Variants in NOP9 observed in about 807,000 individuals in gnomAD.
The protein encoded by NOP9 is NOP9 nucleolar protein.
A neutral mutation model predicts 63.0 loss-of-function variants in NOP9; 50 were observed. The observed-to-expected ratio is 0.79, with a 90% CI of 0.63 to 1.00. The LOEUF is 1.00. NOP9 is among the 50% of genes least tolerant of loss of function. NOP9 has a pLI of 0.00. For missense variants in NOP9, 758 were observed against 803.0 expected, an observed-to-expected ratio of 0.94 and a Z score of 0.68; for synonymous variants, 343 against 332.8, an observed-to-expected ratio of 1.03 and a Z score of -0.33.
chr14:24,279,189 TCCA>T, the NOP9 span, among the ~76,000 whole-genome samples: 1 of 152,212 alleles, frequency 6.6e-6, no homozygotes, highest in East Asian at 1.9e-4. Context: ...CCAGAGTCTC[TCCA>T]CTCTGAAGTT....
Position 24,306,730 on chromosome 14 carries a change from C to T in NOP9, c.*1635C>T. ...TAGAGGCTGACCTTTTTCCTCTTTG[C>T]TCCTACCATGTCATTGGCATCTCCC... is the stretch of plus-strand genomic sequence containing the variant. On this transcript the variant is annotated 3_prime_UTR_variant, in exon 10 of 10. Transcript: ENST00000267425. 1.7e-6 allele frequency: 1 copy of T among 601,576 alleles called. No homozygotes were observed. Among genetic ancestry groups the T allele is most frequent in the Non-Finnish European group, 2.9e-6 (1 of 344,710 alleles). The allele number at this position is 601,576 out of a possible 1,614,324, so 37.3% of individuals were successfully genotyped here. A position where few individuals can be genotyped will look rare whatever the true frequency, so the allele number is the denominator to read the frequency against.
chr14:24,307,785 A>G lies in NOP9; in HGVS notation c.*2690A>G. 1 of 1,577,212 alleles carries G rather than the reference A, an allele frequency of 6.3e-7. No homozygotes were observed. The highest frequency in any genetic ancestry group is 8.6e-7 in the Non-Finnish European group (1 of 1,159,168). ...TTGTTGCCCTGCCTATATCCCCTAAAGGTGGAGGGTAGAGCGGAGGGTTAG... is the reference window on the plus strand; with the variant it reads ...TTGTTGCCCTGCCTATATCCCCTAAGGGTGGAGGGTAGAGCGGAGGGTTAG... On this transcript the variant is annotated 3_prime_UTR_variant, in exon 10 of 10. Transcript: ENST00000267425.
At position 24,309,002 on chromosome 14, in the gene NOP9, C is replaced by T. The variant is rs1466606022; in HGVS notation, c.*3907C>T. On this transcript the variant is annotated 3_prime_UTR_variant, in exon 10 of 10. Transcript: ENST00000267425. Reference sequence around the variant, plus strand: ...AAATACCTTGAACCCTCGTAAACTCCATACCCTGACCCCCTTGTTTTGGAT... The same window carrying T: ...AAATACCTTGAACCCTCGTAAACTCTATACCCTGACCCCCTTGTTTTGGAT... 1 of 152,264 alleles carries T rather than the reference C, an allele frequency of 6.6e-6. No homozygotes were observed. Among genetic ancestry groups the T allele is most frequent in the Non-Finnish European group, 1.5e-5 (1 of 68,076 alleles). The allele number at this position is 152,264 out of a possible 1,614,324, so 9.4% of individuals were successfully genotyped here. A position where few individuals can be genotyped will look rare whatever the true frequency, so the allele number is the denominator to read the frequency against.
At chr14:24,304,701 C>T (rs2041447092) in intron 9 of NOP9, 103 bp downstream of exon 9, 1 of 1,025,828 alleles carries the variant, frequency 9.7e-7, no homozygotes, top group Non-Finnish European at 1.4e-6. Context: ...GTCTTTAGTT[C>T]CAAAGGGTGG....
chr14:24,284,983 C>A, the NOP9 span, among the ~76,000 whole-genome samples: 1 of 152,212 alleles, frequency 6.6e-6, no homozygotes, highest in Non-Finnish European at 1.5e-5. Flanking sequence ...CTGATGGAAA[C>A]TCCTCCTCAG....
chr14:24,291,165 C>A, the NOP9 span: 1 of 1,614,026 alleles, frequency 6.2e-7, no homozygotes. Flanking sequence ...GCCATAGCGT[C>A]GAGCAAGGTC....
rs964729197 is a variant in NOP9 at position 24,308,479 on chromosome 14, C to T, written c.*3384C>T. On this transcript the variant is annotated 3_prime_UTR_variant, in exon 10 of 10. Transcript: ENST00000267425. ...CTGGGACACTGGCCTTCCTGCTTAC[C>T]TGCTCTTTCCTTCCTCCTTGGTCGG... 5.9e-5 allele frequency: 9 copies of T among 153,380 alleles called. No individual in the cohort carries two copies. Among genetic ancestry groups the T allele is most frequent in the African/African-American group, 2.2e-4 (9 of 41,408 alleles). 9.5% of individuals were successfully genotyped at this position (153,380 alleles called of 1,614,324 possible).
chr14:24,295,234 T>C (rs1273508081), upstream of NOP9, among the ~76,000 whole-genome samples: 1 of 152,176 alleles, frequency 6.6e-6, no homozygotes, highest in Non-Finnish European at 1.5e-5. Flanking sequence ...AGGCTATTAA[T>C]AGTAGCTATA....
At chr14:24,292,893 G>A in the NOP9 span, 3 of 1,416,758 alleles carry the variant, frequency 2.1e-6, no homozygotes, top group Non-Finnish European at 2.8e-6. Flanking sequence ...CCACTAGGAA[G>A]GCTACACAGG....
chr14:24,299,688 T>C (rs112369293), upstream of NOP9: 68 of 425,030 alleles, frequency 1.6e-4, no homozygotes, highest in Non-Finnish European at 2.3e-4. Context: ...CAAGGATTGA[T>C]TCTGTAGTAG....
the NOP9 span, among the ~76,000 whole-genome samples, chr14:24,281,141 A>G: frequency 5.9e-5 from 9 of 152,270 alleles, no homozygotes; most frequent in Non-Finnish European, 1.2e-4. Flanking sequence ...AGCCCTACAG[A>G]GGCATCCAAG....
the NOP9 span, chr14:24,271,252 G>C: frequency 8.5e-7 from 1 of 1,173,858 alleles, no homozygotes; most frequent in Non-Finnish European, 1.2e-6. Flanking sequence ...AGCGTGCCTG[G>C]GCAGAGACCC....
chr14:24,299,472 C>T (rs868222320), upstream of NOP9: 6 of 226,034 alleles, frequency 2.7e-5, no homozygotes, highest in African/African-American at 1.1e-4. Flanking sequence ...AAGCTCCGGT[C>T]CCTGGCCTGA....
chr14:24,297,005 G>C, upstream of NOP9: 1 of 1,337,806 alleles, frequency 7.5e-7, no homozygotes, highest in Non-Finnish European at 1.0e-6. Flanking sequence ...CTGCTGCAGA[G>C]GCAACATGGC....
chr14:24,275,343 G>C, the NOP9 span, among the ~76,000 whole-genome samples: 12 of 152,176 alleles, frequency 7.9e-5, no homozygotes, highest in Non-Finnish European at 1.5e-4. Flanking sequence ...ATATGAAATA[G>C]GTATTATCCA....
rs2041382037 is a variant in NOP9 at position 24,301,806 on chromosome 14, A to T, written c.808+84A>T. 9.9e-6 allele frequency: 15 copies of T among 1,521,858 alleles called. No homozygotes were observed. The Admixed American group carries it at 2.5e-4, about 26-fold the overall frequency. 94.3% of individuals were successfully genotyped at this position (1,521,858 alleles called of 1,614,324 possible). ...CCAAGCAAGGCCCTTACCTCAGGTT[A>T]TTCCTCTTCTTTTCAAACCTGGTCT... is the stretch of plus-strand genomic sequence containing the variant. On this transcript the variant is annotated intron_variant, in intron 3 of 9. Coordinates refer to ENST00000267425, the MANE Select transcript of NOP9 (RefSeq NM_174913.3).
chr14:24,286,647 C>T, the NOP9 span, among the ~76,000 whole-genome samples: 5,723 of 150,182 alleles, frequency 0.038, 361 homozygotes, highest in African/African-American at 0.13. Context: ...GGCTGGAGTG[C>T]AGTGGCACGA....
chr14:24,280,034 C>T, the NOP9 span, among the ~76,000 whole-genome samples: 1 of 152,160 alleles, frequency 6.6e-6, no homozygotes, highest in African/African-American at 2.4e-5. Context: ...AGGCCTCGCC[C>T]TTTCCCTGTC....
At position 24,303,724 on chromosome 14, in the gene NOP9, T is replaced by C; in HGVS notation, c.1285-8T>C. 1 of 1,611,502 alleles carries C rather than the reference T, an allele frequency of 6.2e-7. No homozygotes were observed. The highest frequency in any genetic ancestry group is 2.2e-5 in the East Asian group (1 of 44,800). On this transcript the variant is annotated splice_polypyrimidine_tract_variant and splice_region_variant and intron_variant, in intron 6 of 9. Coordinates refer to ENST00000267425, the MANE Select transcript of NOP9 (RefSeq NM_174913.3). ...CTCAGGTTCATCATATTCTGTCTTCTCCTTTAGGCATTCCACTGTGCAGAG... is the reference window on the plus strand; with the variant it reads ...CTCAGGTTCATCATATTCTGTCTTCCCCTTTAGGCATTCCACTGTGCAGAG...
Sources: allele counts gnomAD v4.1 joint callset (sites outside exome capture counted in the v4.1 genomes callset), GRCh38; gene constraint gnomAD v4.1.1; transcripts MANE v1.5; gene names NCBI Gene and HGNC (gene_info 2026-07-23, HGNC 2026-07-21).